The following ALK variants were observed in gnomAD, a reference collection of about 807,000 sequenced individuals.
ALK encodes ALK receptor tyrosine kinase.
ALK carries 74 observed loss-of-function variants against 163.1 expected under a neutral mutation model. The observed-to-expected ratio is 0.45, with a 90% CI of 0.38 to 0.55. ALK has a LOEUF of 0.55. Among genes scored for constraint, ALK ranks in the 20% least tolerant of loss-of-function variants. ALK has a pLI of 0.00. For synonymous variants in ALK, 960 were observed against 843.2 expected (o/e 1.14, Z -2.40); for missense variants, 2,063 against 2,105.3 (o/e 0.98, Z 0.39).
chr2:29,671,230 C>G (rs752740539), intron 3 of ALK, among the ~76,000 whole-genome samples: 1 of 151,972 alleles, frequency 6.6e-6, no homozygotes, highest in East Asian at 1.9e-4. Flanking sequence ...TTCACCTCTG[C>G]GCTAATAAAT....
chr2:29,881,698 G>A (rs1389753296), intron 1 of ALK, among the ~76,000 whole-genome samples: 1 of 152,138 alleles, frequency 6.6e-6, no homozygotes. Flanking sequence ...GCTGTTTTAA[G>A]GCTCAGCTGA....
chr2:29,894,571 T>A (rs1389548546), intron 1 of ALK, among the ~76,000 whole-genome samples: 1 of 152,004 alleles, frequency 6.6e-6, no homozygotes, highest in African/African-American at 2.4e-5. Context: ...ATAACTTATC[T>A]AAGATAACTT....
At chr2:29,525,791 CAAAAAAAAAAA>C (rs61519081) in intron 4 of ALK, among the ~76,000 whole-genome samples, 2 of 69,182 alleles carry the variant, frequency 2.9e-5, no homozygotes, top group African/African-American at 1.0e-4. Flanking sequence ...GACTCCATCT[CAAAAAAAAAAA>C]AAAAAAAAAA....
At chr2:29,670,497 G>C (rs1442065301) in intron 3 of ALK, among the ~76,000 whole-genome samples, 1 of 151,954 alleles carries the variant, frequency 6.6e-6, no homozygotes. Flanking sequence ...CCTTGGTGTG[G>C]TCTTATTTGG....
Position 29,193,131 on chromosome 2 carries a change from A to C in ALK, c.*93T>G. 2.2e-6 allele frequency: 3 copies of C among 1,368,416 alleles called. No individual in the cohort carries two copies. In the South Asian group the frequency reaches 3.7e-5, roughly 17 times the overall value. The allele number at this position is 1,368,416 out of a possible 1,614,324, so 84.8% of individuals were successfully genotyped here. A position where few individuals can be genotyped will look rare whatever the true frequency, so the allele number is the denominator to read the frequency against. On this transcript the variant is annotated 3_prime_UTR_variant, in exon 29 of 29. Transcript: ENST00000389048. ...ATAGGTTGGCACAAAACAAAACGTG[A>C]CATTTGGTCTCTGGTTTGTGAAGGA...
At chr2:29,335,769 G>A (rs985976814) in intron 5 of ALK, among the ~76,000 whole-genome samples, 10 of 152,162 alleles carry the variant, frequency 6.6e-5, no homozygotes, top group African/African-American at 7.2e-5. Flanking sequence ...TCTGGGTGCC[G>A]TGGCTTACAC....
At chr2:29,420,296 G>A (rs1435510366) in intron 4 of ALK, among the ~76,000 whole-genome samples, 1 of 151,496 alleles carries the variant, frequency 6.6e-6, no homozygotes, top group African/African-American at 2.5e-5. Flanking sequence ...AAGCTAGTCA[G>A]TAGACAGAAG....
chr2:29,659,749 C>A (rs529399596), intron 3 of ALK, among the ~76,000 whole-genome samples: 1 of 152,146 alleles, frequency 6.6e-6, no homozygotes, highest in Admixed American at 6.5e-5. Flanking sequence ...CTTATTCTGT[C>A]TTGTATTGTT....
At chr2:29,639,611 G>A (rs1337028632) in intron 3 of ALK, among the ~76,000 whole-genome samples, 1 of 152,188 alleles carries the variant, frequency 6.6e-6, no homozygotes, top group African/African-American at 2.4e-5. Context: ...TACATTGCCA[G>A]GTGTGCGAGC....
chr2:29,315,652 G>C (rs769903209), intron 8 of ALK, among the ~76,000 whole-genome samples: 7 of 152,148 alleles, frequency 4.6e-5, no homozygotes, highest in Non-Finnish European at 8.8e-5. Flanking sequence ...TAGGTCCAGG[G>C]TGGGGCATTT....
At chr2:29,426,386 A>T (rs184270021) in intron 4 of ALK, among the ~76,000 whole-genome samples, 1 of 152,318 alleles carries the variant, frequency 6.6e-6, no homozygotes, top group East Asian at 1.9e-4. Context: ...TGAAAGACAA[A>T]GAGAAAATCT....
chr2:29,395,416 G>C (rs1669278710), intron 4 of ALK, among the ~76,000 whole-genome samples: 1 of 152,178 alleles, frequency 6.6e-6, no homozygotes, highest in South Asian at 2.1e-4. Context: ...ATCTGCTAGA[G>C]AGGGTCCCCC....
intron 9 of ALK, among the ~76,000 whole-genome samples, chr2:29,282,228 ATT>A (rs1436073782): frequency 6.6e-6 from 1 of 152,150 alleles, no homozygotes; most frequent in African/African-American, 2.4e-5. Context: ...ACTTTCTCCA[ATT>A]TCTCGCTGCA....
chr2:29,354,160 T>C (rs1019147189), intron 5 of ALK, among the ~76,000 whole-genome samples: 2 of 152,210 alleles, frequency 1.3e-5, no homozygotes, highest in African/African-American at 2.4e-5. Context: ...AAGAAAAGAC[T>C]GTAGAAGTGT....
At chr2:29,464,611 G>C (rs1325522149) in intron 4 of ALK, among the ~76,000 whole-genome samples, 2 of 152,138 alleles carry the variant, frequency 1.3e-5, no homozygotes, top group African/African-American at 4.8e-5. Flanking sequence ...ATACCGGATG[G>C]GACTAAAAGC....
intron 1 of ALK, among the ~76,000 whole-genome samples, chr2:29,816,173 C>T (rs1558500996): frequency 6.6e-6 from 1 of 152,138 alleles, no homozygotes; most frequent in Non-Finnish European, 1.5e-5. Context: ...GTTAAGGAAA[C>T]AAAACAAATC....
intron 1 of ALK, among the ~76,000 whole-genome samples, chr2:29,770,882 C>T (rs1314563789): frequency 3.3e-5 from 5 of 151,906 alleles, no homozygotes; most frequent in African/African-American, 1.2e-4. Flanking sequence ...CACACACATG[C>T]ACACAGCCAC....
At chr2:29,604,165 T>C (rs1444109006) in intron 3 of ALK, among the ~76,000 whole-genome samples, 1 of 147,766 alleles carries the variant, frequency 6.8e-6, no homozygotes, top group African/African-American at 2.5e-5. Flanking sequence ...ATAGAGAAGT[T>C]TTTTTTTTTT....
At chr2:29,395,632 G>C (rs958431194) in intron 4 of ALK, among the ~76,000 whole-genome samples, 1 of 152,180 alleles carries the variant, frequency 6.6e-6, no homozygotes, top group Non-Finnish European at 1.5e-5. Context: ...ATAGAAATGA[G>C]AATTGTTGCT....
Sources: gnomAD v4.1 joint callset for allele counts (sites outside exome capture counted in the v4.1 genomes callset) on GRCh38, gnomAD v4.1.1 for gene constraint, MANE v1.5 for transcripts, NCBI Gene and HGNC (gene_info 2026-07-23, HGNC 2026-07-21) for gene names.